The following TASOR2 variants were observed in gnomAD, a reference collection of about 807,000 sequenced individuals.
TASOR2 encodes the protein transcription activation suppressor family member 2, also known as protein TASOR 2.
In TASOR2, 84 loss-of-function variants were observed where a neutral mutation model predicts 199.5. The ratio of observed to expected loss-of-function variants is 0.42; its 90% confidence interval spans 0.35 to 0.50. TASOR2 has a LOEUF of 0.50. TASOR2 is among the 20% of genes least tolerant of loss of function. TASOR2 has a pLI of 0.02. For synonymous variants in TASOR2, 1,103 were observed against 1,046.6 expected, an observed-to-expected ratio of 1.05 and a Z score of -1.04; for missense variants, 2,796 against 2,835.9, an observed-to-expected ratio of 0.99 and a Z score of 0.32.
rs766451740 is a variant in TASOR2 at position 5,687,569 on chromosome 10, C to T, written c.-288+2394C>T. The stretch of plus-strand genomic sequence containing the variant: ...GTACGGTGGCCCACGCCTGTAATCC[C>T]AGCACTTTGGGAGGCCAAGGCAGGT... On this transcript the variant is annotated intron_variant, in intron 1 of 20. Transcript: ENST00000328090. This position sits in a 1 kb window ranked among gnomAD's most constrained non-coding sequence, Gnocchi z 4.8. Among the ~76,000 whole-genome samples, 6 of 152,224 alleles carry T rather than the reference C, an allele frequency of 3.9e-5. No homozygotes were observed. The highest frequency in any genetic ancestry group is 8.8e-5 in the Non-Finnish European group (6 of 68,042).
intron 1 of TASOR2, among the ~76,000 whole-genome samples, chr10:5,686,349 G>A (rs1311508372): frequency 6.6e-6 from 1 of 152,200 alleles, no homozygotes; most frequent in Non-Finnish European, 1.5e-5. Context: ...GAACTTGACT[G>A]AGACATGGTG....
At chr10:5,758,737 C>T (rs542244774) in intron 17 of TASOR2, 150 bp from the exon 19 acceptor site, 1 of 619,962 alleles carries the variant, frequency 1.6e-6, no homozygotes, top group Admixed American at 2.9e-5. Flanking sequence ...GGATGCTGCC[C>T]AACCACATAA....
chr10:5,757,866 T>G, intron 17 of TASOR2, among the ~76,000 whole-genome samples, 193 bp downstream of exon 18: 1 of 152,134 alleles, frequency 6.6e-6, no homozygotes, highest in East Asian at 1.9e-4. Flanking sequence ...TTTTCACCTC[T>G]TTTAACTGAT....
chr10:5,727,660 T>G (rs983833628), intron 10 of TASOR2, among the ~76,000 whole-genome samples: 3 of 152,152 alleles, frequency 2.0e-5, no homozygotes, highest in African/African-American at 7.2e-5. Context: ...CTAAGAGGGC[T>G]GGGAAGGAGG....
rs941209390 is a variant in TASOR2, at chr10:5,687,696, G to A, written c.-288+2521G>A. On this transcript the variant is annotated intron_variant, in intron 1 of 20. Transcript: ENST00000328090. The surrounding 1 kb of genome is among the most constrained non-coding windows in gnomAD (Gnocchi z 4.8). ...TTAGCCAGGTGTGGTGGCAGGTGCA[G>A]GTAGTCCCAGCTACTCGGGAGGCCG... Among the ~76,000 whole-genome samples the A allele has an allele frequency of 2.0e-5, 3 of 152,176 alleles. No individual in the cohort carries two copies. The highest frequency in any genetic ancestry group is 7.2e-5 in the African/African-American group (3 of 41,454).
At chr10:5,726,983 A>G (rs1018203554) in intron 9 of TASOR2, 26 bp downstream of exon 10, 1 of 1,613,296 alleles carries the variant, frequency 6.2e-7, no homozygotes, top group East Asian at 2.2e-5. Context: ...TTGGGAAAAA[A>G]TATTTTTCAT....
intron 2 of TASOR2, 169 bp downstream of exon 3, chr10:5,714,376 C>A: frequency 2.5e-6 from 1 of 399,878 alleles, no homozygotes; most frequent in South Asian, 1.4e-4. Flanking sequence ...AGATTTGAGT[C>A]TAAAACTTAA....
At chr10:5,762,917 T>C (rs1355656759) in intron 20 of TASOR2, 112 bp from the exon 22 acceptor site, 2 of 983,472 alleles carry the variant, frequency 2.0e-6, no homozygotes, top group African/African-American at 1.6e-5. Flanking sequence ...GTACAGAACA[T>C]AATGTAACCT....
rs577426955 is a variant in TASOR2, at chr10:5,724,074, C to T, written c.247+297C>T. 2.6e-4 allele frequency among the ~76,000 whole-genome samples: 39 copies of T among 152,290 alleles called. 2 individuals are homozygous for T. In the South Asian group the frequency reaches 8.1e-3, roughly 32 times the overall value. ...AACTTGTAACTATTCCTCTCGAGGA[C>T]AGAGTTTTTGTTGGTTTTATTTATA... On this transcript the variant is annotated intron_variant, in intron 7 of 20. Coordinates refer to ENST00000328090, the Ensembl canonical transcript of TASOR2.
intron 17 of TASOR2, 88 bp downstream of exon 18, chr10:5,757,761 G>A (rs1453083816): frequency 6.3e-6 from 9 of 1,428,226 alleles, no homozygotes; most frequent in South Asian, 2.4e-5. Context: ...CAAAAGAAAT[G>A]ATCAACTCTA....
chr10:5,735,589 A>T, intron 12 of TASOR2, 43 bp downstream of exon 13: 3 of 1,584,184 alleles, frequency 1.9e-6, no homozygotes, highest in South Asian at 1.2e-5. Flanking sequence ...CCCAATACAG[A>T]TCTAACAGAG....
At chr10:5,761,306 C>A (rs746757787) in exon 19 of TASOR2, 4 of 1,613,226 alleles carry the variant, frequency 2.5e-6, no homozygotes, top group Middle Eastern at 1.7e-4. Context: ...TTCAACTGCA[C>A]ATAAGAAGAA....
chr10:5,746,923 T>A, exon 15 of TASOR2: 19 of 1,614,206 alleles, frequency 1.2e-5, no homozygotes, highest in Non-Finnish European at 1.6e-5. Context: ...AGCTAAAAGT[T>A]CTAGTCATCT....
At chr10:5,712,199 T>C (rs1035949255) in intron 1 of TASOR2, 6 of 349,076 alleles carry the variant, frequency 1.7e-5, no homozygotes, top group African/African-American at 1.3e-4. Flanking sequence ...TAAAAGTAAT[T>C]CAGCTTCAGT....
At chr10:5,723,982 G>A (rs907377906) in intron 7 of TASOR2, among the ~76,000 whole-genome samples, 1 of 152,178 alleles carries the variant, frequency 6.6e-6, no homozygotes, top group African/African-American at 2.4e-5. Flanking sequence ...CATCTAAGAT[G>A]ACAAAGGCTA....
chr10:5,707,459 C>T (rs1006056860), intron 1 of TASOR2, among the ~76,000 whole-genome samples: 9 of 152,074 alleles, frequency 5.9e-5, no homozygotes, highest in Non-Finnish European at 1.5e-5. Context: ...ATCCAGGCAA[C>T]ACATCTTCAG....
Position 5,723,756 on chromosome 10 carries a change from CAG to C in TASOR2, c.228_229del (p.Asn77LeufsTer17). ...ACTACCAGAGGCTGCCTTCAGAAAACAGAATTACTTGGAGGAGAAAGGTCTGT... is the reference window on the plus strand; with the variant it reads ...ACTACCAGAGGCTGCCTTCAGAAAACAATTACTTGGAGGAGAAAGGTCTGT... On this transcript the variant is annotated frameshift_variant, in exon 7 of 21. Coordinates refer to ENST00000328090, the Ensembl canonical transcript of TASOR2. LOFTEE classifies it high-confidence loss of function. 6.3e-7 allele frequency: 1 copy of C among 1,593,856 alleles called. No individual in the cohort carries two copies. Among genetic ancestry groups the C allele is most frequent in the South Asian group, 1.1e-5 (1 of 89,488 alleles).
chr10:5,716,521 C>T (rs1429321734), intron 2 of TASOR2, among the ~76,000 whole-genome samples: 1 of 151,992 alleles, frequency 6.6e-6, no homozygotes, highest in East Asian at 1.9e-4. Context: ...TTTCTTCTCT[C>T]CTATTTTTTC....
At chr10:5,746,856 G>A (rs376105890) in exon 15 of TASOR2, 43 of 1,614,024 alleles carry the variant, frequency 2.7e-5, no homozygotes, top group South Asian at 3.3e-5. Context: ...AGAAGGAGAC[G>A]CCCCTTCCAG....
Sources: allele counts gnomAD v4.1 joint callset (sites outside exome capture counted in the v4.1 genomes callset), GRCh38; gene constraint gnomAD v4.1.1; non-coding constraint Gnocchi (gnomAD v3.1); transcripts MANE v1.5; gene names NCBI Gene and HGNC (gene_info 2026-07-23, HGNC 2026-07-21).